The following INPP5F variants were observed in gnomAD, a reference collection of about 807,000 sequenced individuals.
INPP5F encodes the protein phosphatidylinositide 4-phosphatase SAC2.
A neutral mutation model predicts 137.2 loss-of-function variants in INPP5F; 97 were observed. The observed-to-expected ratio is 0.71, with a 90% CI of 0.60 to 0.84. The LOEUF is 0.84. Ranked by LOEUF, INPP5F falls within the 40% of genes least tolerant of loss-of-function variation. INPP5F has a pLI of 0.00. For missense variants in INPP5F, 1,271 were observed against 1,371.9 expected (o/e 0.93, Z 1.16); for synonymous variants, 504 against 476.9 (o/e 1.06, Z -0.74).
chr10:119,782,638 A>T (rs889130153), intron 3 of INPP5F, among the ~76,000 whole-genome samples: 4 of 152,202 alleles, frequency 2.6e-5, no homozygotes, highest in Admixed American at 1.3e-4. Context: ...CAACATAGCC[A>T]GACCTTGTCT....
chr10:119,813,132 C>T (rs773837690), intron 15 of INPP5F, among the ~76,000 whole-genome samples: 1 of 152,030 alleles, frequency 6.6e-6, no homozygotes, highest in Non-Finnish European at 1.5e-5. Context: ...GTGTTGGCTA[C>T]GATTTTGTAG....
intron 6 of INPP5F, among the ~76,000 whole-genome samples, chr10:119,792,615 A>G (rs116028486): frequency 0.018 from 1,855 of 103,728 alleles, 38 homozygotes; most frequent in African/African-American, 0.063. Context: ...TCTGTTTTCT[A>G]TCTGGGAATT....
chr10:119,781,732 C>A lies in INPP5F; in HGVS notation c.276C>A (p.Leu92=). 6.2e-7 allele frequency: 1 copy of A among 1,610,322 alleles called. No individual in the cohort carries two copies. ...EVCKVTKIAV[L]SLSEMEPQDL... is the part of the protein sequence containing the mutation. ...GTAAAGTTACCAAAATTGCTGTGCTCTCACTTTCTGAAATGGAACCTCAGG... is the reference window on the plus strand; with the variant it reads ...GTAAAGTTACCAAAATTGCTGTGCTATCACTTTCTGAAATGGAACCTCAGG... The change falls in exon 3 of 20, where the codon CTC becomes CTA. Residue 92 remains leucine (L), a synonymous_variant. Coordinates refer to ENST00000650623, the MANE Select transcript of INPP5F (RefSeq NM_014937.4).
chr10:119,736,354 T>C (rs1848215460), intron 1 of INPP5F, among the ~76,000 whole-genome samples: 1 of 152,206 alleles, frequency 6.6e-6, no homozygotes, highest in South Asian at 2.1e-4. Flanking sequence ...ATAATAGAGA[T>C]GGGTTCTCAC....
intron 2 of INPP5F, among the ~76,000 whole-genome samples, chr10:119,762,141 G>T (rs1461211429): frequency 6.6e-6 from 1 of 152,204 alleles, no homozygotes; most frequent in African/African-American, 2.4e-5. Flanking sequence ...GACCCTTGCA[G>T]TTCAAACTTG....
intron 8 of INPP5F, 41 bp from the exon 9 acceptor site, chr10:119,798,502 A>C (rs1257558880): frequency 3.5e-6 from 5 of 1,448,412 alleles, no homozygotes; most frequent in Non-Finnish European, 4.8e-6. Flanking sequence ...TATGTCTTAA[A>C]CATGGGAAGG....
At chr10:119,728,031 A>G (rs1436750196) in intron 1 of INPP5F, among the ~76,000 whole-genome samples, 1 of 152,256 alleles carries the variant, frequency 6.6e-6, no homozygotes, top group African/African-American at 2.4e-5. Context: ...CTTGAACTAT[A>G]AAGGCTAACC....
Position 119,726,360 on chromosome 10 carries a change from G to C in INPP5F, c.97+1G>C. 1 of 1,397,922 alleles carries C rather than the reference G, an allele frequency of 7.2e-7. No individual in the cohort carries two copies. The highest frequency in any genetic ancestry group is 9.4e-7 in the Non-Finnish European group (1 of 1,068,964). 86.6% of individuals were successfully genotyped at this position (1,397,922 alleles called of 1,614,324 possible). A position where few individuals can be genotyped will look rare whatever the true frequency, so the allele number is the denominator to read the frequency against. On this transcript the variant is annotated splice_donor_variant, in intron 1 of 19. Coordinates refer to ENST00000650623, the MANE Select transcript of INPP5F (RefSeq NM_014937.4). LOFTEE classifies it high-confidence loss of function. ...GACGGCGGCCTCCAGCTCCGACCCG[G>C]TGAGGCTGGCGGTGCGGGCGGGGGG...
intron 15 of INPP5F, among the ~76,000 whole-genome samples, chr10:119,817,302 A>G (rs980390692): frequency 1.3e-5 from 2 of 152,234 alleles, no homozygotes; most frequent in African/African-American, 4.8e-5. Context: ...ATTTGTGTAC[A>G]GGTTTTCATT....
intron 3 of INPP5F, among the ~76,000 whole-genome samples, chr10:119,790,522 T>C (rs1850102947): frequency 6.6e-6 from 1 of 152,184 alleles, no homozygotes; most frequent in Non-Finnish European, 1.5e-5. Flanking sequence ...CAGTTATTAG[T>C]TTCTACTTCC....
chr10:119,810,068 A>C, intron 13 of INPP5F, 32 bp from the exon 14 acceptor site: 1 of 1,263,014 alleles, frequency 7.9e-7, no homozygotes. Context: ...TTGTGTTTAA[A>C]TAAGATGTCA....
rs1365294740 is a variant in INPP5F at position 119,748,989 on chromosome 10, T to A, written c.98-2087T>A. ...CCTGCTGGCCTCTCTCCCACGCTTATCGGCACCCGAAGTCCAGAGGGGGCT... is the reference window on the plus strand; with the variant it reads ...CCTGCTGGCCTCTCTCCCACGCTTAACGGCACCCGAAGTCCAGAGGGGGCT... On this transcript the variant is annotated intron_variant, in intron 1 of 19. Coordinates refer to ENST00000650623, the MANE Select transcript of INPP5F (RefSeq NM_014937.4). This position sits in a 1 kb window ranked among gnomAD's most constrained non-coding sequence, Gnocchi z 4.7. 1.3e-5 allele frequency among the ~76,000 whole-genome samples: 2 copies of A among 152,114 alleles called. No individual in the cohort carries two copies. The highest frequency in any genetic ancestry group is 2.9e-5 in the Non-Finnish European group (2 of 68,010).
chr10:119,818,014 G>A (rs1851351403), intron 15 of INPP5F, among the ~76,000 whole-genome samples: 1 of 152,222 alleles, frequency 6.6e-6, no homozygotes, highest in South Asian at 2.1e-4. Flanking sequence ...AGTAGGCCTG[G>A]CTGCGGGGTC....
At chr10:119,777,148 G>GC (rs1478850779) in intron 2 of INPP5F, among the ~76,000 whole-genome samples, 4 of 152,048 alleles carry the variant, frequency 2.6e-5, no homozygotes, top group Admixed American at 6.6e-5. Flanking sequence ...TCCCTTCTCA[G>GC]CCCCCCAAAG....
chr10:119,731,645 C>T (rs1001494725), intron 1 of INPP5F, among the ~76,000 whole-genome samples: 4 of 152,124 alleles, frequency 2.6e-5, no homozygotes, highest in African/African-American at 7.2e-5. Flanking sequence ...GCCTGGGCAA[C>T]AGAGTGAGAC....
intron 9 of INPP5F, 81 bp downstream of exon 9, chr10:119,798,691 G>C (rs1164490492): frequency 1.2e-6 from 1 of 834,340 alleles, no homozygotes; most frequent in Non-Finnish European, 1.8e-6. Flanking sequence ...AAATAACATT[G>C]TACTATTCAA....
intron 6 of INPP5F, among the ~76,000 whole-genome samples, chr10:119,792,638 T>C (rs1006860613): frequency 5.4e-5 from 8 of 147,308 alleles, no homozygotes; most frequent in African/African-American, 1.7e-4. Flanking sequence ...AATAGCCAAA[T>C]CTCTGAGGCC....
chr10:119,760,428 G>A (rs1471145646), intron 2 of INPP5F, among the ~76,000 whole-genome samples: 2 of 152,108 alleles, frequency 1.3e-5, no homozygotes, highest in Admixed American at 6.5e-5. Context: ...TCCAGCCTGG[G>A]CAACCTAGTG....
At position 119,826,846 on chromosome 10, in the gene INPP5F, T is replaced by A. The variant is rs778030828; in HGVS notation, c.2465T>A (p.Val822Glu). 5 of 1,613,550 alleles carry A rather than the reference T, an allele frequency of 3.1e-6. No homozygotes were observed. In the African/African-American group the frequency reaches 5.3e-5, roughly 17 times the overall value. The part of the protein sequence containing the change: ...KVNFLKPNLK[V>E]NLWKSDSSLE... The stretch of plus-strand genomic sequence containing the variant: ...AACTTTCTAAAACCAAACTTAAAAG[T>A]AAATCTTTGGAAATCAGATAGTAGT... Residue 822 changes from valine (V) to glutamate (E), a missense_variant, in exon 20 of 20, where the codon GTA (valine) becomes GAA (glutamate). Transcript: ENST00000650623.
Sources: allele counts gnomAD v4.1 joint callset (sites outside exome capture counted in the v4.1 genomes callset), GRCh38; gene constraint gnomAD v4.1.1; non-coding constraint Gnocchi (gnomAD v3.1); transcripts MANE v1.5; gene names NCBI Gene and HGNC (gene_info 2026-07-23, HGNC 2026-07-21).